PLAGL1: variants seen among roughly 807,000 people sequenced by gnomAD.
PLAGL1 encodes the protein PLAG1 like zinc finger 1.
Under a neutral mutation model 4.6 loss-of-function variants are expected in PLAGL1, and 1 was observed. The observed-to-expected ratio is 0.22, with a 90% CI of 0.08 to 1.03. PLAGL1 has a LOEUF of 1.03. PLAGL1 is among the 50% of genes least tolerant of loss of function. The pLI, the probability that PLAGL1 is intolerant of heterozygous loss-of-function variation, is 0.58. For synonymous variants in PLAGL1, 240 were observed against 237.8 expected (o/e 1.01, Z -0.08); for missense variants, 464 against 570.4 (o/e 0.81, Z 1.90).
chr6:144,002,890 T>TTC, intron 1 of PLAGL1, among the ~76,000 whole-genome samples: 1 of 151,708 alleles, frequency 6.6e-6, no homozygotes, highest in East Asian at 1.9e-4. Context: ...AGGCTTTTTT[T>TTC]TTTTTTTTTA....
At chr6:144,026,073 A>G (rs1385567438) in intron 1 of PLAGL1, among the ~76,000 whole-genome samples, 3 of 152,176 alleles carry the variant, frequency 2.0e-5, no homozygotes, top group Non-Finnish European at 4.4e-5. Context: ...TACTTTCCCA[A>G]CCCATTCATT....
Position 143,990,957 on chromosome 6 carries a change from G to A in PLAGL1, c.-583-5783C>T, listed in dbSNP as rs1293156834. On this transcript the variant is annotated intron_variant, in intron 1 of 7. Coordinates refer to ENST00000674357, the MANE Select transcript of PLAGL1 (RefSeq NM_001317162.2). This position sits in a 1 kb window ranked among gnomAD's most constrained non-coding sequence, Gnocchi z 5.4. The stretch of plus-strand genomic sequence containing the variant: ...TTATTTAATTGTTCCAACCACATGA[G>A]AATAGGTGGCTTTAGCCCCTTTGTA... Among the ~76,000 whole-genome samples the A allele has an allele frequency of 6.6e-6, 1 of 152,208 alleles. No individual in the cohort carries two copies. Among genetic ancestry groups the A allele is most frequent in the Non-Finnish European group, 1.5e-5 (1 of 68,032 alleles).
chr6:144,040,812 G>T (rs557727828), intron 1 of PLAGL1, among the ~76,000 whole-genome samples: 8 of 152,188 alleles, frequency 5.3e-5, no homozygotes, highest in Non-Finnish European at 8.8e-5. Flanking sequence ...GGTGGAGGTT[G>T]CATGCAGTGA....
In PLAGL1 at chr6:143,949,246, CCTCAAACCCAACTTGT is replaced by C. The variant is rs567708315; in HGVS notation, c.-324-802_-324-787del. Among the ~76,000 whole-genome samples the C allele has an allele frequency of 6.9e-4, 105 of 152,318 alleles. No individual in the cohort carries two copies. The highest frequency in any genetic ancestry group is 2.4e-3 in the African/African-American group (99 of 41,566). ...CCTCCAGGAGATGGGCCTACTGCCT[CCTCAAACCCAACTTGT>C]CTCAAACCCAAATCATTATCATCCT... On this transcript the variant is annotated intron_variant, in intron 6 of 7. Coordinates refer to ENST00000674357, the MANE Select transcript of PLAGL1 (RefSeq NM_001317162.2). This position sits in a 1 kb window ranked among gnomAD's most constrained non-coding sequence, Gnocchi z 5.3.
Position 143,993,597 on chromosome 6 carries a change from A to T in PLAGL1, c.-583-8423T>A, listed in dbSNP as rs117914657. Among the ~76,000 whole-genome samples, 36 of 152,300 alleles carry T rather than the reference A, an allele frequency of 2.4e-4. No homozygotes were observed. The East Asian group carries it at 6.2e-3, about 26-fold the overall frequency. On this transcript the variant is annotated intron_variant, in intron 1 of 7. Coordinates refer to ENST00000674357, the MANE Select transcript of PLAGL1 (RefSeq NM_001317162.2). Reference sequence around the variant, plus strand: ...GCCAAGGAAAACTTTTTTTTAAAAAAACTAAATTGTCTCAGGACAAGGATA... The same window carrying T: ...GCCAAGGAAAACTTTTTTTTAAAAATACTAAATTGTCTCAGGACAAGGATA...
At chr6:143,996,019 T>G (rs1380138915) in intron 1 of PLAGL1, among the ~76,000 whole-genome samples, 2 of 152,176 alleles carry the variant, frequency 1.3e-5, no homozygotes, top group Non-Finnish European at 2.9e-5. Flanking sequence ...TTTAACCTGG[T>G]CACCCTCCCA....
chr6:143,963,103 G>C lies in PLAGL1; in HGVS notation c.-399+1684C>G, dbSNP rs1168119349. 6.6e-6 allele frequency among the ~76,000 whole-genome samples: 1 copy of C among 152,120 alleles called. No homozygotes were observed. The highest frequency in any genetic ancestry group is 2.1e-4 in the South Asian group (1 of 4,826). Reference sequence around the variant, plus strand: ...TGATGTCATTTTAAAGGTGACACTGGGGGGCATGGTATGAAGGGGTTGCTG... The same window carrying C: ...TGATGTCATTTTAAAGGTGACACTGCGGGGCATGGTATGAAGGGGTTGCTG... On this transcript the variant is annotated intron_variant, in intron 5 of 7. Transcript: ENST00000674357. The surrounding 1 kb of genome is among the most constrained non-coding windows in gnomAD (Gnocchi z 6.1).
In PLAGL1 at chr6:143,972,116, A is replaced by G. The variant is rs1785531857; in HGVS notation, c.-543-3138T>C. ...CAATCAGGTTCTCCCAAAATTTAGT[A>G]TTTGCAGTTGAAACTGTGATAAGTA... On this transcript the variant is annotated intron_variant, in intron 2 of 7. Coordinates refer to ENST00000674357, the MANE Select transcript of PLAGL1 (RefSeq NM_001317162.2). This position sits in a 1 kb window ranked among gnomAD's most constrained non-coding sequence, Gnocchi z 6.8. Among the ~76,000 whole-genome samples the G allele has an allele frequency of 6.6e-6, 1 of 152,240 alleles. No individual in the cohort carries two copies. Among genetic ancestry groups the G allele is most frequent in the African/African-American group, 2.4e-5 (1 of 41,464 alleles).
At position 143,957,426 on chromosome 6, in the gene PLAGL1, C is replaced by T. The variant is rs1227174099; in HGVS notation, c.-325+3043G>A. On this transcript the variant is annotated intron_variant, in intron 6 of 7. Transcript: ENST00000674357. This position sits in a 1 kb window ranked among gnomAD's most constrained non-coding sequence, Gnocchi z 4.2. ...CTTTATGATAGCTGAAAATACATCC[C>T]CCTCCTCACTCCCTAGAAACCCTTG... Among the ~76,000 whole-genome samples, 1 of 152,178 alleles carries T rather than the reference C, an allele frequency of 6.6e-6. No individual in the cohort carries two copies. The highest frequency in any genetic ancestry group is 1.5e-5 in the Non-Finnish European group (1 of 68,032).
Position 143,966,393 on chromosome 6 carries a change from A to G in PLAGL1, c.-471-195T>C, listed in dbSNP as rs919222926. The G allele has an allele frequency of 2.0e-5, 3 of 152,198 alleles. No homozygotes were observed. Among genetic ancestry groups the G allele is most frequent in the Non-Finnish European group, 4.4e-5 (3 of 68,032 alleles). The allele number at this position is 152,198 out of a possible 1,614,324, so 9.4% of individuals were successfully genotyped here. ...AAACAAACAAAAAACCCAACTGTGC[A>G]CACACACACACCAAAAAATAAGTAC... On this transcript the variant is annotated intron_variant, in intron 3 of 7. Transcript: ENST00000674357. This position sits in a 1 kb window ranked among gnomAD's most constrained non-coding sequence, Gnocchi z 6.0.
intron 2 of PLAGL1, 29 bp from the exon 3 acceptor site, chr6:143,969,007 A>T (rs981359323): frequency 7.6e-6 from 1 of 131,350 alleles, no homozygotes; most frequent in African/African-American, 3.9e-5. Flanking sequence ...CAAAAGTTTA[A>T]AAAAAAAAAA....
chr6:143,958,211 G>A lies in PLAGL1; in HGVS notation c.-325+2258C>T, dbSNP rs1444342440. Among the ~76,000 whole-genome samples the A allele has an allele frequency of 1.3e-5, 2 of 152,148 alleles. No individual in the cohort carries two copies. The highest frequency in any genetic ancestry group is 2.9e-5 in the Non-Finnish European group (2 of 68,022). The stretch of plus-strand genomic sequence containing the variant: ...CCCATCTACAGATGAATTGCAGAGA[G>A]GAAAAAGTTACATATAATCACTTAT... On this transcript the variant is annotated intron_variant, in intron 6 of 7. Transcript: ENST00000674357. The surrounding 1 kb of genome is among the most constrained non-coding windows in gnomAD (Gnocchi z 5.1).
chr6:144,007,658 C>T (rs1794556067), intron 1 of PLAGL1: 1 of 152,188 alleles, frequency 6.6e-6, no homozygotes, highest in South Asian at 2.1e-4. Flanking sequence ...GTCTGTAATA[C>T]TAAAGCATCA....
Position 143,960,251 on chromosome 6 carries a change from C to G in PLAGL1, c.-325+218G>C, listed in dbSNP as rs1783102964. On this transcript the variant is annotated intron_variant, in intron 6 of 7. Transcript: ENST00000674357. The surrounding 1 kb of genome is among the most constrained non-coding windows in gnomAD (Gnocchi z 5.7). ...ATGAAAAGTTGCTAACTGCATCATCCAATTCCCTGAAACACATGTGCACTG... is the reference window on the plus strand; with the variant it reads ...ATGAAAAGTTGCTAACTGCATCATCGAATTCCCTGAAACACATGTGCACTG... Among the ~76,000 whole-genome samples the G allele has an allele frequency of 6.6e-6, 1 of 152,114 alleles. No individual in the cohort carries two copies. The highest frequency in any genetic ancestry group is 1.5e-5 in the Non-Finnish European group (1 of 68,028).
At chr6:144,014,719 A>G (rs1214569632) in intron 1 of PLAGL1, among the ~76,000 whole-genome samples, 5 of 152,070 alleles carry the variant, frequency 3.3e-5, no homozygotes, top group African/African-American at 1.2e-4. Flanking sequence ...AGCTCGGACT[A>G]CAGAGAGATG....
intron 1 of PLAGL1, among the ~76,000 whole-genome samples, chr6:144,029,941 C>T (rs74911618): frequency 0.024 from 3,679 of 152,132 alleles, 165 homozygotes; most frequent in African/African-American, 0.085. Flanking sequence ...TTTCTAATAG[C>T]AAAAGTTCAA....
chr6:144,017,271 T>C (rs1795630083), intron 1 of PLAGL1, among the ~76,000 whole-genome samples: 1 of 152,162 alleles, frequency 6.6e-6, no homozygotes. Flanking sequence ...ATCCTCAAAC[T>C]TCAAGTCTCT....
Position 144,027,707 on chromosome 6 carries a change from G to A in PLAGL1, c.-151+36761C>T, listed in dbSNP as rs111782809. Among the ~76,000 whole-genome samples, 1 of 152,146 alleles carries A rather than the reference G, an allele frequency of 6.6e-6. No homozygotes were observed. The highest frequency in any genetic ancestry group is 6.5e-5 in the Admixed American group (1 of 15,272). On this transcript the variant is annotated intron_variant, in intron 1 of 3. Transcript: ENST00000437412. The surrounding 1 kb of genome is among the most constrained non-coding windows in gnomAD (Gnocchi z 5.8). ...TTAAGTGTTCTTGTTTTGAAATGAG[G>A]TTATATATTTAAAAGTCTCTTTAGT...
In PLAGL1 at chr6:143,999,764, T is replaced by C. The variant is rs561506164; in HGVS notation, c.-584+8326A>G. ...GTGAATAAATATGTGTAAGGTTACT[T>C]TCGAGTGCAAGATGATTTAGTAATT... On this transcript the variant is annotated intron_variant, in intron 1 of 7. Coordinates refer to ENST00000674357, the MANE Select transcript of PLAGL1 (RefSeq NM_001317162.2). Among the ~76,000 whole-genome samples, 16 of 152,324 alleles carry C rather than the reference T, an allele frequency of 1.1e-4. No homozygotes were observed. In the South Asian group the frequency reaches 1.7e-3, roughly 16 times the overall value.
Sources: gnomAD v4.1 joint callset for allele counts (sites outside exome capture counted in the v4.1 genomes callset) on GRCh38, gnomAD v4.1.1 for gene constraint, Gnocchi (gnomAD v3.1) non-coding constraint, MANE v1.5 for transcripts, NCBI Gene and HGNC (gene_info 2026-07-23, HGNC 2026-07-21) for gene names.